Variants in TRIM9 observed in about 807,000 individuals in gnomAD.
TRIM9 encodes tripartite motif containing 9, also known as E3 ubiquitin-protein ligase TRIM9.
In TRIM9, 26 loss-of-function variants were observed where a neutral mutation model predicts 78.3. The observed-to-expected ratio is 0.33, with a 90% CI of 0.24 to 0.46. The LOEUF (loss-of-function observed/expected upper bound fraction) is 0.46, where lower values mean the gene tolerates loss of function less well. Among genes scored for constraint, TRIM9 ranks in the 20% least tolerant of loss-of-function variants. The probability of loss-of-function intolerance (pLI) is 1.00; values close to 1 mark genes in which losing one functional copy is unlikely to be tolerated. For synonymous variants in TRIM9, 398 were observed against 416.5 expected (o/e 0.96, Z 0.54); for missense variants, 787 against 1,036.4 (o/e 0.76, Z 3.30).
rs1196258897 is a variant in TRIM9, at chr14:51,094,747, G to A, written c.193C>T (p.Leu65=). 4 of 1,534,782 alleles carry A rather than the reference G, an allele frequency of 2.6e-6. No individual in the cohort carries two copies. In the African/African-American group the frequency reaches 4.2e-5, roughly 16 times the overall value. The change falls in exon 1 of 13, where the codon CTG becomes TTG. Residue 65 remains leucine (L), a synonymous_variant. Coordinates refer to ENST00000684578, the MANE Select transcript of TRIM9 (RefSeq NM_001387360.1). ...TCGCTGTATAGGCTCATCTTGTCCA[G>A]GTCCAGATAGTCATAGTCGGAGACC... is the stretch of plus-strand genomic sequence containing the variant. ...SGVSDYDYLD[L]DKMSLYSEAD... is the part of the protein sequence containing the mutation.
Position 51,022,936 on chromosome 14 carries a change from C to T in TRIM9, c.940G>A (p.Ala314Thr). The T allele has an allele frequency of 6.2e-7, 1 of 1,614,144 alleles. No individual in the cohort carries two copies. The highest frequency in any genetic ancestry group is 8.5e-7 in the Non-Finnish European group (1 of 1,180,026). The change falls in exon 3 of 13, where the codon GCC becomes ACC. Residue 314 changes from alanine (A) to threonine (T), a missense_variant. Around this residue, in one of 3 missense-constraint regions of TRIM9, gnomAD observed 352 missense variants for 472.3 expected, o/e 0.75. Coordinates refer to ENST00000684578, the MANE Select transcript of TRIM9 (RefSeq NM_001387360.1). ...GCATCACATTGGGCCACCAGACAGGCTTCAAACTCCACACTGTTCTCCTGT... is the reference window on the plus strand; with the variant it reads ...GCATCACATTGGGCCACCAGACAGGTTTCAAACTCCACACTGTTCTCCTGT... ...QIQENSVEFE[A>T]CLVAQCDALI...
intron 1 of TRIM9, among the ~76,000 whole-genome samples, chr14:51,067,845 C>T (rs1442461420): frequency 1.3e-5 from 2 of 148,312 alleles, no homozygotes; most frequent in Admixed American, 6.7e-5. Flanking sequence ...CCAGCCCTTA[C>T]CTGAAAATCT....
intron 1 of TRIM9, among the ~76,000 whole-genome samples, chr14:51,029,882 C>T (rs575742984): frequency 6.6e-6 from 1 of 152,136 alleles, no homozygotes; most frequent in East Asian, 1.9e-4. Flanking sequence ...AGAGAATTCT[C>T]TCACCCTCAC....
intron 1 of TRIM9, among the ~76,000 whole-genome samples, chr14:51,038,097 A>G (rs191398760): frequency 6.6e-5 from 10 of 152,306 alleles, no homozygotes; most frequent in African/African-American, 2.4e-4. Flanking sequence ...GATTAAAGTT[A>G]TAGACCTTGA....
chr14:51,066,973 T>C (rs1008815639), intron 1 of TRIM9, among the ~76,000 whole-genome samples: 1 of 152,188 alleles, frequency 6.6e-6, no homozygotes, highest in African/African-American at 2.4e-5. Flanking sequence ...TATGGAGGCG[T>C]CCTCAGGCCA....
chr14:50,982,972 T>C lies in TRIM9; in HGVS notation c.1835-7A>G. The C allele has an allele frequency of 1.1e-5, 17 of 1,548,920 alleles. No homozygotes were observed. The highest frequency in any genetic ancestry group is 1.5e-5 in the Non-Finnish European group (17 of 1,145,594). On this transcript the variant is annotated splice_region_variant and splice_polypyrimidine_tract_variant and intron_variant, in intron 9 of 12. Coordinates refer to ENST00000684578, the MANE Select transcript of TRIM9 (RefSeq NM_001387360.1). ...AACAGCTTTTTAATGTCAACTGTTGTCATTCCAAGTGAAAGGCATGGGGGA... is the reference window on the plus strand; with the variant it reads ...AACAGCTTTTTAATGTCAACTGTTGCCATTCCAAGTGAAAGGCATGGGGGA...
chr14:50,979,320 C>T lies in TRIM9; in HGVS notation c.2325+67G>A, dbSNP rs573319717. 7.7e-5 allele frequency: 125 copies of T among 1,612,948 alleles called. 2 individuals carry two copies. In the South Asian group the frequency reaches 9.8e-4, roughly 13 times the overall value. ...CTTCCCTCTCTTCGGTTGGATTGAA[C>T]GGCCCTGGGCAGCCTTTGAACCGGT... is the stretch of plus-strand genomic sequence containing the variant. On this transcript the variant is annotated intron_variant, in intron 12 of 12. Transcript: ENST00000684578.
chr14:51,081,218 C>T (rs1184937417), intron 1 of TRIM9, among the ~76,000 whole-genome samples: 2 of 152,152 alleles, frequency 1.3e-5, no homozygotes, highest in Admixed American at 6.5e-5. Flanking sequence ...TTAAAAAATA[C>T]ATAAAATAGC....
At chr14:51,067,405 C>T (rs1310586393) in intron 1 of TRIM9, among the ~76,000 whole-genome samples, 1 of 152,168 alleles carries the variant, frequency 6.6e-6, no homozygotes, top group Non-Finnish European at 1.5e-5. Context: ...GCCCTGACAG[C>T]CAGAGTATTC....
chr14:51,022,446 A>T (rs1034038443), intron 3 of TRIM9, among the ~76,000 whole-genome samples: 1 of 152,238 alleles, frequency 6.6e-6, no homozygotes, highest in African/African-American at 2.4e-5. Flanking sequence ...CATGAGCTAA[A>T]TATAATTCTA....
intron 1 of TRIM9, among the ~76,000 whole-genome samples, chr14:51,071,988 G>A (rs1419197086): frequency 3.3e-5 from 5 of 152,158 alleles, no homozygotes; most frequent in African/African-American, 9.7e-5. Context: ...GCAGCATGAA[G>A]GAGCAGCACA....
At chr14:51,085,128 T>C (rs1418676642) in intron 1 of TRIM9, among the ~76,000 whole-genome samples, 1 of 152,192 alleles carries the variant, frequency 6.6e-6, no homozygotes, top group Non-Finnish European at 1.5e-5. Flanking sequence ...GTGATGAATA[T>C]TTGGTGCCAC....
intron 1 of TRIM9, among the ~76,000 whole-genome samples, chr14:51,040,213 T>C (rs1371507247): frequency 2.0e-5 from 3 of 152,210 alleles, no homozygotes; most frequent in African/African-American, 4.8e-5. Flanking sequence ...TGAATTTAAA[T>C]AGATATCCAC....
At chr14:51,069,486 T>C (rs187386952) in intron 1 of TRIM9, among the ~76,000 whole-genome samples, 8 of 152,258 alleles carry the variant, frequency 5.3e-5, no homozygotes, top group African/African-American at 1.9e-4. Flanking sequence ...GAATTGCCCA[T>C]CCCCAAATGT....
intron 1 of TRIM9, 138 bp from the exon 2 acceptor site, chr14:51,025,498 A>G: frequency 2.8e-6 from 2 of 703,414 alleles, no homozygotes; most frequent in Non-Finnish European, 4.8e-6. Flanking sequence ...TGGCATTTGT[A>G]CAGGTAGATT....
chr14:51,062,236 T>C (rs1046387835), intron 1 of TRIM9, among the ~76,000 whole-genome samples: 7 of 152,186 alleles, frequency 4.6e-5, no homozygotes, highest in Non-Finnish European at 1.0e-4. Flanking sequence ...TTAATATGCT[T>C]ACTATATTTA....
At chr14:51,067,006 C>G (rs1414802001) in intron 1 of TRIM9, among the ~76,000 whole-genome samples, 1 of 152,196 alleles carries the variant, frequency 6.6e-6, no homozygotes, top group East Asian at 1.9e-4. Flanking sequence ...TTTAACAGGA[C>G]TGATGACTTC....
chr14:51,035,538 C>T (rs896568533), intron 1 of TRIM9, among the ~76,000 whole-genome samples: 1 of 152,134 alleles, frequency 6.6e-6, no homozygotes, highest in Admixed American at 6.5e-5. Context: ...ATCTAAAGAA[C>T]TGAAAATAAT....
chr14:51,053,595 A>ATTTTTTTTTTTTTTTTTTTTT (rs59227932), intron 1 of TRIM9, among the ~76,000 whole-genome samples: 7 of 82,194 alleles, frequency 8.5e-5, no homozygotes, highest in Admixed American at 1.3e-4. Context: ...TTTTTTTTTA[A>ATTTTTTTTTTTTTTTTTTTTT]TTTTTTTTTT....
Sources: allele counts gnomAD v4.1 joint callset (sites outside exome capture counted in the v4.1 genomes callset), GRCh38; gene constraint gnomAD v4.1.1; regional missense constraint gnomAD v4.1.1; transcripts MANE v1.5; gene names NCBI Gene and HGNC (gene_info 2026-07-23, HGNC 2026-07-21).